SDK2: variants seen among roughly 807,000 people sequenced by gnomAD.
SDK2 encodes the protein sidekick cell adhesion molecule 2.
A neutral mutation model predicts 253.9 loss-of-function variants in SDK2; 105 were observed. The ratio of observed to expected loss-of-function variants is 0.41; its 90% CI spans 0.35 to 0.49. The LOEUF is 0.49. SDK2 is among the 20% of genes least tolerant of loss of function. SDK2 has a pLI of 0.06. For synonymous variants in SDK2, 1,249 were observed against 1,234.9 expected (o/e 1.01, Z -0.24); for missense variants, 2,608 against 3,003.0 (o/e 0.87, Z 3.07).
Position 73,455,958 on chromosome 17 carries a change from G to A in SDK2, c.427C>T (p.Pro143Ser), listed in dbSNP as rs1410411347. 3 of 1,548,348 alleles carry A rather than the reference G, an allele frequency of 1.9e-6. No individual in the cohort carries two copies. The highest frequency in any genetic ancestry group is 4.9e-5 in the East Asian group (2 of 40,710). The change falls in exon 4 of 45, where the codon CCA becomes TCA. Residue 143 changes from proline (P) to serine (S), a missense_variant. This residue lies in a region of SDK2 where 1,505 missense variants were observed against 1,859.1 expected (regional missense o/e 0.81). Coordinates refer to ENST00000392650, the MANE Select transcript of SDK2 (RefSeq NM_001144952.2). This position sits in a 1 kb window ranked among gnomAD's most constrained non-coding sequence, Gnocchi z 5.0. ...CCGTCCCGGAACCAGGTCACCTGTG[G>A]CTGGGGGAAGCTGGCGATGCGCGGG... ...RAPRIASFPQ[P>S]QVTWFRDGRK... is the part of the protein sequence containing the mutation.
At chr17:73,458,749 T>C (rs1023562720) in intron 3 of SDK2, among the ~76,000 whole-genome samples, 12 of 152,218 alleles carry the variant, frequency 7.9e-5, no homozygotes, top group African/African-American at 2.4e-4. Context: ...CTCACGCCTG[T>C]AATCCCAGCA....
intron 21 of SDK2, among the ~76,000 whole-genome samples, chr17:73,399,660 C>A (rs570047045): frequency 6.6e-6 from 1 of 152,298 alleles, no homozygotes; most frequent in East Asian, 1.9e-4. Flanking sequence ...AGAAACCAAA[C>A]GGGACCGATC....
At chr17:73,555,574 G>T (rs1567840558) in intron 1 of SDK2, among the ~76,000 whole-genome samples, 1 of 152,178 alleles carries the variant, frequency 6.6e-6, no homozygotes, top group Non-Finnish European at 1.5e-5. Context: ...TCCAGTCCCT[G>T]CCATCAGGCA....
intron 44 of SDK2, among the ~76,000 whole-genome samples, chr17:73,339,231 TTTTG>T (rs1367562738): frequency 1.4e-5 from 2 of 141,266 alleles, no homozygotes; most frequent in African/African-American, 5.0e-5. Context: ...TTGTTTTTGT[TTTTG>T]TTTTTTTTTT....
intron 9 of SDK2, among the ~76,000 whole-genome samples, chr17:73,434,443 C>T (rs2063352132): frequency 6.6e-6 from 1 of 152,190 alleles, no homozygotes; most frequent in African/African-American, 2.4e-5. Context: ...AGACGGCAGC[C>T]CCTTGGTAGC....
intron 1 of SDK2, among the ~76,000 whole-genome samples, chr17:73,634,804 CA>C (rs1175246750): frequency 1.3e-5 from 2 of 152,254 alleles, no homozygotes; most frequent in African/African-American, 2.4e-5. Flanking sequence ...ATGATACATA[CA>C]CAGAACACTG....
Position 73,390,306 on chromosome 17 carries a change from C to CGTCTCATTA in SDK2, c.4172_4173insTAATGAGAC (p.Val1391_Val1392insAsnGluThr). On this transcript the variant is annotated inframe_insertion, in exon 29 of 45. Coordinates refer to ENST00000392650, the MANE Select transcript of SDK2 (RefSeq NM_001144952.2). ...AGTCACCTCTCTTCTCGGTGGTCAC[C>CGTCTCATTA]ACCAAGGCCTCGGCAGCTTCTCCCC... 6.3e-7 allele frequency: 1 copy of CGTCTCATTA among 1,589,372 alleles called. No individual in the cohort carries two copies. The highest frequency in any genetic ancestry group is 8.5e-7 in the Non-Finnish European group (1 of 1,171,358).
At position 73,467,713 on chromosome 17, in the gene SDK2, T is replaced by C. The variant is rs1038917905; in HGVS notation, c.331+4399A>G. On this transcript the variant is annotated intron_variant, in intron 3 of 44. Coordinates refer to ENST00000392650, the MANE Select transcript of SDK2 (RefSeq NM_001144952.2). The surrounding 1 kb of genome is among the most constrained non-coding windows in gnomAD (Gnocchi z 4.1). ...CTTAGCTTGTCAGGAACTGCGTTCT[T>C]CTCAAGGGTCGGAAGGACTTCCTAG... 6.6e-6 allele frequency among the ~76,000 whole-genome samples: 1 copy of C among 152,140 alleles called. No homozygotes were observed. The highest frequency in any genetic ancestry group is 1.5e-5 in the Non-Finnish European group (1 of 68,024).
chr17:73,569,424 C>T (rs2045352664), intron 1 of SDK2, among the ~76,000 whole-genome samples: 1 of 152,102 alleles, frequency 6.6e-6, no homozygotes, highest in South Asian at 2.1e-4. Flanking sequence ...TCTCAAACTC[C>T]TGACCTTAGG....
In SDK2 at chr17:73,435,598, C is replaced by T. The variant is rs1449401014; in HGVS notation, c.1047G>A (p.Val349=). The T allele has an allele frequency of 7.6e-6, 12 of 1,578,142 alleles. No individual in the cohort carries two copies. Among genetic ancestry groups the T allele is most frequent in the Admixed American group, 1.8e-5 (1 of 55,514 alleles). ...SITWYKDAAV[V]EVEKLTRFRQ... Reference sequence around the variant, plus strand: ...GGAAGCGGGTCAACTTCTCCACCTCCACCACGGCTGCGTCCTTGTACCAGG... The same window carrying T: ...GGAAGCGGGTCAACTTCTCCACCTCTACCACGGCTGCGTCCTTGTACCAGG... Residue 349 remains valine, a synonymous_variant, in exon 9 of 45, where the codon GTG becomes GTA. Coordinates refer to ENST00000392650, the MANE Select transcript of SDK2 (RefSeq NM_001144952.2). The surrounding 1 kb of genome is among the most constrained non-coding windows in gnomAD (Gnocchi z 5.7).
Position 73,431,816 on chromosome 17 carries a change from G to A in SDK2, c.1313-147C>T. The A allele has an allele frequency of 1.1e-6, 1 of 884,244 alleles. No individual in the cohort carries two copies. Among genetic ancestry groups the A allele is most frequent in the Non-Finnish European group, 1.7e-6 (1 of 605,488 alleles). 54.8% of individuals were successfully genotyped at this position (884,244 alleles called of 1,614,324 possible). A position where few individuals can be genotyped will look rare whatever the true frequency, so the allele number is the denominator to read the frequency against. On this transcript the variant is annotated intron_variant, in intron 10 of 44. Coordinates refer to ENST00000392650, the MANE Select transcript of SDK2 (RefSeq NM_001144952.2). This position sits in a 1 kb window ranked among gnomAD's most constrained non-coding sequence, Gnocchi z 5.6. ...AATGAGGACAGATGGCGGTGGGGCT[G>A]GGGTGGGGGCTGAGAGACCTGGAGA... is the stretch of plus-strand genomic sequence containing the variant.
intron 36 of SDK2, among the ~76,000 whole-genome samples, chr17:73,377,728 T>A (rs2062794873): frequency 6.6e-6 from 1 of 151,062 alleles, no homozygotes; most frequent in South Asian, 2.1e-4. Context: ...TTCTCCTGCC[T>A]CAGCCTCCCG....
At chr17:73,472,361 T>A in intron 2 of SDK2, 143 bp from the exon 3 acceptor site, 1 of 622,028 alleles carries the variant, frequency 1.6e-6, no homozygotes, top group Non-Finnish European at 2.9e-6. Flanking sequence ...TCTAGCCATG[T>A]CATAGGATCA....
intron 3 of SDK2, among the ~76,000 whole-genome samples, chr17:73,458,423 A>G (rs2063542594): frequency 6.6e-6 from 1 of 151,692 alleles, no homozygotes; most frequent in Non-Finnish European, 1.5e-5. Context: ...TACCTGATTC[A>G]CTCTCTTGGT....
In SDK2 at chr17:73,555,045, T is replaced by C. The variant is rs374540784; in HGVS notation, c.65-47448A>G. Among the ~76,000 whole-genome samples the C allele has an allele frequency of 2.0e-5, 3 of 152,310 alleles. No homozygotes were observed. In the East Asian group the frequency reaches 5.8e-4, roughly 29 times the overall value. On this transcript the variant is annotated intron_variant, in intron 1 of 44. Transcript: ENST00000392650. ...GAAGGAGGATGGGGGAGCTTTGTTC[T>C]GGGTTGGCCCTCTGACAGCGCCAAT... is the stretch of plus-strand genomic sequence containing the variant.
At chr17:73,346,734 T>G (rs2062488020) in intron 44 of SDK2, among the ~76,000 whole-genome samples, 1 of 151,806 alleles carries the variant, frequency 6.6e-6, no homozygotes, top group East Asian at 1.9e-4. Flanking sequence ...TTTTGGAGAG[T>G]GGGTTTTGGG....
At chr17:73,394,362 C>A (rs374660564) in intron 25 of SDK2, 38 bp from the exon 26 acceptor site, 2 of 1,401,702 alleles carry the variant, frequency 1.4e-6, no homozygotes, top group Non-Finnish European at 1.9e-6. Context: ...GCACTCAGGA[C>A]CCAACGTTGA....
chr17:73,620,599 C>T (rs1046281205), intron 1 of SDK2, among the ~76,000 whole-genome samples: 8 of 152,214 alleles, frequency 5.3e-5, no homozygotes, highest in Non-Finnish European at 1.0e-4. Flanking sequence ...CTGTGAACAA[C>T]AGCCAACAGG....
chr17:73,397,936 A>C, intron 24 of SDK2, 99 bp downstream of exon 24: 1 of 1,303,940 alleles, frequency 7.7e-7, no homozygotes, highest in African/African-American at 1.5e-5. Flanking sequence ...ACAGAAAGAG[A>C]GGAGAAAGGA....
Sources: allele counts gnomAD v4.1 joint callset (sites outside exome capture counted in the v4.1 genomes callset), GRCh38; gene constraint gnomAD v4.1.1; regional missense constraint gnomAD v4.1.1; non-coding constraint Gnocchi (gnomAD v3.1); transcripts MANE v1.5; gene names NCBI Gene and HGNC (gene_info 2026-07-23, HGNC 2026-07-21).